Variants in CNTN5 observed in about 807,000 individuals in gnomAD.
The protein encoded by CNTN5 is contactin 5.
A neutral mutation model predicts 129.1 loss-of-function variants in CNTN5; 77 were observed. The ratio of observed to expected loss-of-function variants is 0.60; its 90% CI spans 0.50 to 0.72. The LOEUF (loss-of-function observed/expected upper bound fraction) is 0.72, where lower values mean the gene tolerates loss of function less well. Ranked by LOEUF, CNTN5 falls within the 30% of genes least tolerant of loss-of-function variation. The pLI, the probability that CNTN5 is intolerant of heterozygous loss-of-function variation, is 0.00. For missense variants in CNTN5, 1,478 were observed against 1,328.8 expected (o/e 1.11, Z -1.75); for synonymous variants, 509 against 465.6 (o/e 1.09, Z -1.20).
In CNTN5 at chr11:99,038,275, T is replaced by G. The variant is rs546711559; in HGVS notation, c.-210+17005T>G. ...TTCTTAAAGAAATTATGATAAAAGT[T>G]TTTTTACTTTTAATTGACAAATAAT... On this transcript the variant is annotated intron_variant, in intron 1 of 24. Transcript: ENST00000524871. 2.2e-4 allele frequency among the ~76,000 whole-genome samples: 34 copies of G among 152,268 alleles called. No individual in the cohort carries two copies. The South Asian group carries it at 6.0e-3, about 27-fold the overall frequency.
chr11:99,239,862 G>A (rs989495918), intron 1 of CNTN5, among the ~76,000 whole-genome samples: 12 of 151,800 alleles, frequency 7.9e-5, no homozygotes, highest in African/African-American at 2.2e-4. Context: ...GCGGGAACCC[G>A]GGAGGCGGAG....
chr11:100,189,386 G>C (rs992771906), intron 13 of CNTN5, among the ~76,000 whole-genome samples: 4 of 151,422 alleles, frequency 2.6e-5, no homozygotes, highest in Non-Finnish European at 5.9e-5. Flanking sequence ...GTTGCCTCCT[G>C]TCAGTAAGAA....
intron 1 of CNTN5, among the ~76,000 whole-genome samples, chr11:99,025,665 A>G (rs1863079903): frequency 6.6e-6 from 1 of 151,784 alleles, no homozygotes; most frequent in African/African-American, 2.4e-5. Flanking sequence ...GAGATATTAT[A>G]ATGATAGTAA....
intron 2 of CNTN5, among the ~76,000 whole-genome samples, chr11:99,367,717 A>C (rs1296905816): frequency 6.6e-6 from 1 of 152,150 alleles, no homozygotes; most frequent in Non-Finnish European, 1.5e-5. Flanking sequence ...ACCTGATCAC[A>C]AGAGAAAGAG....
chr11:100,191,210 C>T lies in CNTN5; in HGVS notation c.1665C>T (p.Asn555=), dbSNP rs1270118108. 2.5e-6 allele frequency: 4 copies of T among 1,612,390 alleles called. No individual in the cohort carries two copies. The highest frequency in any genetic ancestry group is 3.4e-6 in the Non-Finnish European group (4 of 1,179,016). The change falls in exon 14 of 25, where the codon AAC becomes AAT. Residue 555 remains asparagine (N), a synonymous_variant. Coordinates refer to ENST00000524871, the MANE Select transcript of CNTN5 (RefSeq NM_014361.4). ...DEGKYVCRGE[N]VFGSAEIIAS... ...GAAAGTACGTTTGCCGAGGGGAAAA[C>T]GTCTTTGGTTCTGCTGAAATTATAG... is the stretch of plus-strand genomic sequence containing the variant.
At chr11:100,022,927 T>C (rs1276646409) in intron 9 of CNTN5, among the ~76,000 whole-genome samples, 1 of 152,188 alleles carries the variant, frequency 6.6e-6, no homozygotes, top group Non-Finnish European at 1.5e-5. Flanking sequence ...ATGTGGTTTT[T>C]TTTCTCTGAC....
At chr11:99,497,845 T>C (rs896958784) in intron 2 of CNTN5, among the ~76,000 whole-genome samples, 8 of 152,140 alleles carry the variant, frequency 5.3e-5, no homozygotes, top group African/African-American at 1.7e-4. Flanking sequence ...GAAAACTGCT[T>C]GTTAAATACA....
intron 23 of CNTN5, among the ~76,000 whole-genome samples, chr11:100,350,230 TC>T (rs1394208876): frequency 6.6e-6 from 1 of 151,704 alleles, no homozygotes; most frequent in Admixed American, 6.6e-5. Context: ...TTTCCAAACT[TC>T]CTTAGGATAT....
At chr11:99,817,596 G>GTTTGTTTT (rs1946630635) in intron 3 of CNTN5, among the ~76,000 whole-genome samples, 5 of 99,642 alleles carry the variant, frequency 5.0e-5, no homozygotes, top group African/African-American at 2.0e-4. Flanking sequence ...GTCTGGGATA[G>GTTTGTTTT]TTTTTTTTTT....
chr11:100,078,290 A>G (rs943068136), intron 13 of CNTN5, among the ~76,000 whole-genome samples: 3 of 152,158 alleles, frequency 2.0e-5, no homozygotes, highest in Non-Finnish European at 2.9e-5. Flanking sequence ...GATAACTAGA[A>G]AATAATATGA....
chr11:99,181,665 A>C (rs1858077385), intron 1 of CNTN5, among the ~76,000 whole-genome samples: 1 of 152,040 alleles, frequency 6.6e-6, no homozygotes, highest in Non-Finnish European at 1.5e-5. Context: ...GGAGGGGAGG[A>C]TGCATTATTT....
chr11:99,247,824 G>T (rs182602360), intron 1 of CNTN5, among the ~76,000 whole-genome samples: 5,676 of 152,190 alleles, frequency 0.037, 359 homozygotes, highest in African/African-American at 0.13. Context: ...GTATTCCATG[G>T]TGTATATGTG....
intron 21 of CNTN5, chr11:100,309,458 A>C (rs1388917656): frequency 1.0e-6 from 1 of 968,910 alleles, no homozygotes; most frequent in Non-Finnish European, 1.2e-6. Flanking sequence ...CAGCAAGAAC[A>C]ATTTATGGGA....
chr11:99,098,287 T>C (rs1012156027), intron 1 of CNTN5, among the ~76,000 whole-genome samples: 1 of 152,094 alleles, frequency 6.6e-6, no homozygotes, highest in Non-Finnish European at 1.5e-5. Context: ...ATCAGGCATA[T>C]GGTATTATTC....
At chr11:99,108,450 G>T (rs765789696) in intron 1 of CNTN5, among the ~76,000 whole-genome samples, 2 of 152,094 alleles carry the variant, frequency 1.3e-5, no homozygotes, top group Non-Finnish European at 2.9e-5. Flanking sequence ...TTAAGGTTAG[G>T]TCTTTATTTC....
intron 8 of CNTN5, among the ~76,000 whole-genome samples, chr11:99,985,902 A>G (rs1435866783): frequency 1.3e-5 from 2 of 152,106 alleles, no homozygotes; most frequent in Non-Finnish European, 2.9e-5. Flanking sequence ...CAAGCTTCCC[A>G]TGAACTTGTA....
At chr11:99,254,910 A>G (rs1862300780) in intron 1 of CNTN5, among the ~76,000 whole-genome samples, 1 of 151,962 alleles carries the variant, frequency 6.6e-6, no homozygotes, top group Non-Finnish European at 1.5e-5. Flanking sequence ...TGTAGGGGGA[A>G]AATTAAGCAT....
chr11:99,463,745 A>G (rs1434778879), intron 2 of CNTN5, among the ~76,000 whole-genome samples: 1 of 140,630 alleles, frequency 7.1e-6, no homozygotes, highest in African/African-American at 2.7e-5. Flanking sequence ...TCTGAAATGA[A>G]AAATGCAAAC....
chr11:100,325,225 A>G (rs1222574693), intron 21 of CNTN5, among the ~76,000 whole-genome samples: 4 of 152,198 alleles, frequency 2.6e-5, no homozygotes, highest in African/African-American at 9.6e-5. Context: ...AACCACTAAC[A>G]GGAAAAAGGT....
Sources: allele counts gnomAD v4.1 joint callset (sites outside exome capture counted in the v4.1 genomes callset), GRCh38; gene constraint gnomAD v4.1.1; transcripts MANE v1.5; gene names NCBI Gene and HGNC (gene_info 2026-07-23, HGNC 2026-07-21).